Variants in GRID2 observed in about 807,000 individuals in gnomAD.
The protein encoded by GRID2 is glutamate ionotropic receptor delta type subunit 2.
A neutral mutation model predicts 114.8 loss-of-function variants in GRID2; 33 were observed. The ratio of observed to expected loss-of-function variants is 0.29; its 90% CI spans 0.22 to 0.38. The LOEUF (loss-of-function observed/expected upper bound fraction) is 0.38. GRID2 is among the 10% of genes least tolerant of loss of function. The pLI, the probability that GRID2 is intolerant of heterozygous loss-of-function variation, is 1.00. For synonymous variants in GRID2, 505 were observed against 449.9 expected, an observed-to-expected ratio of 1.12 and a Z score of -1.55; for missense variants, 1,184 against 1,257.7, an observed-to-expected ratio of 0.94 and a Z score of 0.89.
intron 14 of GRID2, among the ~76,000 whole-genome samples, chr4:93,731,816 A>C (rs1299891684): frequency 6.6e-6 from 1 of 152,122 alleles, no homozygotes; most frequent in Non-Finnish European, 1.5e-5. Context: ...TACATCTGTC[A>C]GCTTTTATCC....
chr4:92,728,599 C>CT (rs984322006), intron 2 of GRID2, among the ~76,000 whole-genome samples: 31 of 151,978 alleles, frequency 2.0e-4, no homozygotes, highest in African/African-American at 7.0e-4. Flanking sequence ...TTTCAGTAAA[C>CT]TACTCTTGGA....
chr4:93,692,331 G>A (rs1382118914), intron 14 of GRID2, among the ~76,000 whole-genome samples: 1 of 152,046 alleles, frequency 6.6e-6, no homozygotes, highest in African/African-American at 2.4e-5. Context: ...TCCAGGCAGA[G>A]CAAACAGCAA....
intron 14 of GRID2, among the ~76,000 whole-genome samples, chr4:93,670,341 C>T (rs1429558952): frequency 6.6e-6 from 1 of 152,080 alleles, no homozygotes; most frequent in African/African-American, 2.4e-5. Context: ...ATAATTGCTT[C>T]CTATCCAATA....
At chr4:92,308,908 T>A (rs1164470410) in intron 1 of GRID2, among the ~76,000 whole-genome samples, 1 of 152,070 alleles carries the variant, frequency 6.6e-6, no homozygotes, top group Non-Finnish European at 1.5e-5. Context: ...ACGTCTAGAA[T>A]GTACTAAGGG....
chr4:93,533,365 T>TTCTC (rs148340371), intron 13 of GRID2, among the ~76,000 whole-genome samples: 2 of 127,718 alleles, frequency 1.6e-5, no homozygotes, highest in African/African-American at 2.8e-5. Context: ...CCTTCCTTAC[T>TTCTC]TCTCTCTCTC....
chr4:92,306,611 T>G (rs1725421318), intron 1 of GRID2, among the ~76,000 whole-genome samples: 1 of 152,354 alleles, frequency 6.6e-6, no homozygotes, highest in South Asian at 2.1e-4. Flanking sequence ...TTTAAATCGC[T>G]TATTCTGTGG....
At chr4:92,630,981 T>C (rs991939367) in intron 2 of GRID2, among the ~76,000 whole-genome samples, 1 of 151,840 alleles carries the variant, frequency 6.6e-6, no homozygotes, top group African/African-American at 2.4e-5. Flanking sequence ...TATTTCCTTC[T>C]TTTTTTATAG....
At chr4:92,359,918 G>A (rs190273458) in intron 1 of GRID2, among the ~76,000 whole-genome samples, 85 of 152,046 alleles carry the variant, frequency 5.6e-4, no homozygotes, top group African/African-American at 1.9e-3. Flanking sequence ...TTATAGTTGG[G>A]TACCAGAGGC....
intron 2 of GRID2, among the ~76,000 whole-genome samples, chr4:92,988,558 A>G (rs1754649489): frequency 6.6e-6 from 1 of 152,168 alleles, no homozygotes; most frequent in Non-Finnish European, 1.5e-5. Flanking sequence ...AGAGGATTGC[A>G]CAACCATGAA....
At chr4:93,323,351 G>T (rs1322697314) in intron 8 of GRID2, among the ~76,000 whole-genome samples, 1 of 152,080 alleles carries the variant, frequency 6.6e-6, no homozygotes, top group Admixed American at 6.6e-5. Flanking sequence ...AAGATCAGCT[G>T]GTTGTAGATG....
intron 1 of GRID2, among the ~76,000 whole-genome samples, chr4:92,518,645 C>A (rs1724622113): frequency 6.6e-6 from 1 of 151,524 alleles, no homozygotes; most frequent in Non-Finnish European, 1.5e-5. Context: ...TGGGAATACA[C>A]TTGAAACTAT....
chr4:93,417,576 CATCCCAGA>C (rs1210296664), intron 9 of GRID2, among the ~76,000 whole-genome samples: 1 of 152,028 alleles, frequency 6.6e-6, no homozygotes, highest in Non-Finnish European at 1.5e-5. Flanking sequence ...CCCTTCCCAG[CATCCCAGA>C]GTCTAACCAC....
chr4:93,115,912 G>A (rs1040322671), intron 4 of GRID2, among the ~76,000 whole-genome samples: 2 of 152,096 alleles, frequency 1.3e-5, no homozygotes, highest in South Asian at 4.1e-4. Context: ...AGATTTGGGT[G>A]GGGACAAAGC....
intron 2 of GRID2, among the ~76,000 whole-genome samples, chr4:92,905,240 C>T (rs1425364475): frequency 2.0e-5 from 3 of 151,736 alleles, no homozygotes; most frequent in Admixed American, 2.0e-4. Flanking sequence ...TTGATTCATC[C>T]CACCCAAGAC....
intron 2 of GRID2, among the ~76,000 whole-genome samples, chr4:92,759,366 C>T (rs1216700043): frequency 1.3e-5 from 2 of 152,064 alleles, no homozygotes; most frequent in Non-Finnish European, 2.9e-5. Flanking sequence ...TATTGACTCA[C>T]ATACTTTCTA....
At chr4:93,019,929 A>C (rs1195551927) in intron 2 of GRID2, among the ~76,000 whole-genome samples, 1 of 152,218 alleles carries the variant, frequency 6.6e-6, no homozygotes, top group African/African-American at 2.4e-5. Context: ...AAAGAATAGT[A>C]AATGATAGCA....
chr4:92,930,717 T>C (rs182004035), intron 2 of GRID2, among the ~76,000 whole-genome samples: 70 of 151,018 alleles, frequency 4.6e-4, no homozygotes, highest in African/African-American at 1.6e-3. Context: ...AGAAAAGTCC[T>C]GTCTTGCAGA....
chr4:93,427,695 A>T (rs536658815), intron 10 of GRID2, among the ~76,000 whole-genome samples: 2 of 152,110 alleles, frequency 1.3e-5, no homozygotes, highest in African/African-American at 4.8e-5. Flanking sequence ...AAGAGAGGAA[A>T]ATGCAGTCAG....
intron 2 of GRID2, among the ~76,000 whole-genome samples, chr4:92,765,338 G>T (rs1738206832): frequency 6.6e-6 from 1 of 152,124 alleles, no homozygotes. Flanking sequence ...ACAAATCTGA[G>T]AACTATTTTT....
Sources: allele counts gnomAD v4.1 joint callset (sites outside exome capture counted in the v4.1 genomes callset), GRCh38; gene constraint gnomAD v4.1.1; transcripts MANE v1.5; gene names NCBI Gene and HGNC (gene_info 2026-07-23, HGNC 2026-07-21).